The following GALNT2 variants were observed in gnomAD, a reference collection of about 807,000 sequenced individuals.
The protein encoded by GALNT2 is polypeptide N-acetylgalactosaminyltransferase 2.
A neutral mutation model predicts 81.4 loss-of-function variants in GALNT2; 31 were observed. The observed-to-expected ratio is 0.38, with a 90% CI of 0.29 to 0.51. The LOEUF is 0.51. Ranked by LOEUF, GALNT2 falls within the 20% of genes least tolerant of loss-of-function variation. The pLI, the probability that GALNT2 is intolerant of heterozygous loss-of-function variation, is 0.87. For missense variants in GALNT2, 629 were observed against 765.7 expected, an observed-to-expected ratio of 0.82 and a Z score of 2.11; for synonymous variants, 303 against 287.4, an observed-to-expected ratio of 1.05 and a Z score of -0.55.
rs144690138 is a variant in GALNT2, at chr1:230,205,519, A to G, written c.374+2229A>G. Among the ~76,000 whole-genome samples, 250 of 152,298 alleles carry G rather than the reference A, an allele frequency of 1.6e-3. 1 individual carries two copies. Among genetic ancestry groups the G allele is most frequent in the African/African-American group, 5.5e-3 (227 of 41,570 alleles). ...TGTCATCCATTAATTTCTTTTCTAA[A>G]GCCAGCTCTACTCAGTCCTTATGCT... is the stretch of plus-strand genomic sequence containing the variant. On this transcript the variant is annotated intron_variant, in intron 3 of 15. Transcript: ENST00000366672.
chr1:230,125,973 G>T (rs1172016873), intron 1 of GALNT2, among the ~76,000 whole-genome samples: 2 of 152,222 alleles, frequency 1.3e-5, no homozygotes, highest in African/African-American at 4.8e-5. Flanking sequence ...GTGCTCAGAG[G>T]TTGGGTGGAG....
chr1:230,275,469 A>G lies in GALNT2; in HGVS notation c.1560+905A>G, dbSNP rs1418161131. Among the ~76,000 whole-genome samples, 1 of 151,210 alleles carries G rather than the reference A, an allele frequency of 6.6e-6. No homozygotes were observed. The highest frequency in any genetic ancestry group is 1.5e-5 in the Non-Finnish European group (1 of 67,656). ...CACGCCACATATATACATATATACA[A>G]ACACCACATATATATACATATACAC... is the stretch of plus-strand genomic sequence containing the variant. On this transcript the variant is annotated intron_variant, in intron 15 of 15. Transcript: ENST00000366672. The surrounding 1 kb of genome is among the most constrained non-coding windows in gnomAD (Gnocchi z 5.5).
chr1:230,233,618 GA>G (rs200991091), intron 3 of GALNT2, among the ~76,000 whole-genome samples: 3 of 150,544 alleles, frequency 2.0e-5, no homozygotes, highest in Non-Finnish European at 3.0e-5. Flanking sequence ...CGTCTCAAAA[GA>G]AAAAAAAACC....
intron 3 of GALNT2, among the ~76,000 whole-genome samples, chr1:230,207,946 A>G (rs80101064): frequency 0.013 from 1,994 of 152,254 alleles, 29 homozygotes; most frequent in Non-Finnish European, 0.019. Context: ...CATAGTTGTT[A>G]TCTATCTTGG....
intron 1 of GALNT2, among the ~76,000 whole-genome samples, chr1:230,073,187 C>G (rs1289469277): frequency 3.9e-5 from 6 of 152,202 alleles, no homozygotes; most frequent in Admixed American, 1.3e-4. Context: ...CACCAGTGAT[C>G]ACTCCTGTCC....
chr1:230,265,019 A>G, intron 13 of GALNT2: 1 of 495,360 alleles, frequency 2.0e-6, no homozygotes, highest in Non-Finnish European at 3.6e-6. Flanking sequence ...TATAAAGAAT[A>G]CTTCTGCAAC....
chr1:230,187,460 C>T (rs558881724), intron 2 of GALNT2, among the ~76,000 whole-genome samples: 383 of 152,084 alleles, frequency 2.5e-3, no homozygotes, highest in Non-Finnish European at 4.7e-3. Context: ...TTTTGGGCAT[C>T]GGCAGGAGTA....
intron 1 of GALNT2, among the ~76,000 whole-genome samples, chr1:230,103,716 A>G (rs1660463396): frequency 7.0e-6 from 1 of 142,472 alleles, no homozygotes; most frequent in South Asian, 2.2e-4. Context: ...AACCACACAC[A>G]CAAAGCCAAA....
At chr1:230,092,582 G>T (rs1326326810) in intron 1 of GALNT2, among the ~76,000 whole-genome samples, 2 of 152,082 alleles carry the variant, frequency 1.3e-5, no homozygotes, top group Non-Finnish European at 1.5e-5. Flanking sequence ...GACCTCAGGT[G>T]ATCTGCCTGC....
chr1:230,278,937 C>G (rs1404948493), intron 15 of GALNT2, among the ~76,000 whole-genome samples: 1 of 152,104 alleles, frequency 6.6e-6, no homozygotes, highest in Admixed American at 6.6e-5. Flanking sequence ...TGAACCATCA[C>G]TGGATCAAGC....
In GALNT2 at chr1:230,097,143, C is replaced by A. The variant is rs182368996; in HGVS notation, c.126+29737C>A. Among the ~76,000 whole-genome samples, 6 of 152,308 alleles carry A rather than the reference C, an allele frequency of 3.9e-5. No homozygotes were observed. The East Asian group carries it at 9.6e-4, about 24-fold the overall frequency. ...ACGCCAAACCCTTTAATAAAACTGT[C>A]AATCCAGATTGTTAAAACACTGAGC... On this transcript the variant is annotated intron_variant, in intron 1 of 15. Coordinates refer to ENST00000366672, the MANE Select transcript of GALNT2 (RefSeq NM_004481.5).
rs774689179 is a variant in GALNT2 at position 230,255,292 on chromosome 1, C to T, written c.1084C>T (p.Arg362Trp). The T allele has an allele frequency of 5.0e-6, 8 of 1,614,230 alleles. No homozygotes were observed. Among genetic ancestry groups the T allele is most frequent in the South Asian group, 1.1e-5 (1 of 91,084 alleles). Reference sequence around the variant, plus strand: ...GTGCAGCCGTGTGGGACACGTGTTCCGGAAGCAGCACCCCTACACGTTCCC... The same window carrying T: ...GTGCAGCCGTGTGGGACACGTGTTCTGGAAGCAGCACCCCTACACGTTCCC... Reference protein sequence around the residue: ...IPCSRVGHVFRKQHPYTFPGG... With the variant: ...IPCSRVGHVFWKQHPYTFPGG... Residue 362 changes from arginine to tryptophan, a missense_variant, in exon 11 of 16, where the codon CGG (arginine) becomes TGG (tryptophan). Arg to Trp is a moderately radical substitution (Grantham distance 101). This residue lies in a region of GALNT2 where 360 missense variants were observed against 492.8 expected (regional missense o/e 0.73). Coordinates refer to ENST00000366672, the MANE Select transcript of GALNT2 (RefSeq NM_004481.5).
In GALNT2 at chr1:230,153,299, C is replaced by G. The variant is rs191306976; in HGVS notation, c.127-24919C>G. Among the ~76,000 whole-genome samples the G allele has an allele frequency of 1.3e-3, 203 of 152,280 alleles. 1 individual carries two copies. In the Middle Eastern group the frequency reaches 0.014, roughly 10 times the overall value. On this transcript the variant is annotated intron_variant, in intron 1 of 15. Transcript: ENST00000366672. ...AATAGGCCCATTGCCATGCCTGAGA[C>G]AAACTCAGATGTCTGCTAATGATCG...
intron 14 of GALNT2, among the ~76,000 whole-genome samples, chr1:230,266,626 G>T (rs1450284316): frequency 6.6e-6 from 1 of 152,186 alleles, no homozygotes; most frequent in Admixed American, 6.5e-5. Context: ...TGTGGTTTTA[G>T]CAGTTACTTG....
upstream of GALNT2, among the ~76,000 whole-genome samples, chr1:230,062,502 G>A (rs569079990): frequency 1.3e-5 from 2 of 152,206 alleles, no homozygotes; most frequent in East Asian, 3.9e-4. Context: ...AATAATAATG[G>A]GAACTCCTAA....
chr1:230,185,601 C>T (rs531464914), intron 2 of GALNT2, among the ~76,000 whole-genome samples: 1 of 152,314 alleles, frequency 6.6e-6, no homozygotes, highest in South Asian at 2.1e-4. Context: ...ATTGGACAGG[C>T]TCTGATAAAT....
At chr1:230,231,860 C>T (rs1012634234) in intron 3 of GALNT2, among the ~76,000 whole-genome samples, 5 of 152,216 alleles carry the variant, frequency 3.3e-5, no homozygotes, top group Non-Finnish European at 5.9e-5. Flanking sequence ...CCCGAAACCC[C>T]GCCCACTCTT....
chr1:230,214,343 C>T (rs907171466), intron 3 of GALNT2, among the ~76,000 whole-genome samples: 1 of 152,182 alleles, frequency 6.6e-6, no homozygotes, highest in Non-Finnish European at 1.5e-5. Flanking sequence ...AACTCCTGAC[C>T]TCAAGCCATC....
intron 1 of GALNT2, among the ~76,000 whole-genome samples, chr1:230,086,415 T>G (rs905648230): frequency 6.6e-6 from 1 of 152,012 alleles, no homozygotes; most frequent in African/African-American, 2.4e-5. Context: ...TGAGGAAAAA[T>G]GCCTAAGTCA....
Sources: gnomAD v4.1 joint callset for allele counts (sites outside exome capture counted in the v4.1 genomes callset) on GRCh38, gnomAD v4.1.1 for gene constraint, gnomAD v4.1.1 regional missense constraint, Gnocchi (gnomAD v3.1) non-coding constraint, MANE v1.5 for transcripts, NCBI Gene and HGNC (gene_info 2026-07-23, HGNC 2026-07-21) for gene names.